CCDC90B: variants seen among roughly 807,000 people sequenced by gnomAD.
CCDC90B encodes the protein coiled-coil domain containing 90B, also known as coiled-coil domain-containing protein 90B, mitochondrial.
Under a neutral mutation model 37.0 loss-of-function variants are expected in CCDC90B, and 24 were observed. The ratio of observed to expected loss-of-function variants is 0.65; its 90% CI spans 0.47 to 0.91. CCDC90B has a LOEUF of 0.91. Among genes scored for constraint, CCDC90B ranks in the 40% least tolerant of loss-of-function variants. The pLI is 0.00. For synonymous variants in CCDC90B, 113 were observed against 101.1 expected, an observed-to-expected ratio of 1.12 and a Z score of -0.71; for missense variants, 319 against 299.0, an observed-to-expected ratio of 1.07 and a Z score of -0.49.
At chr11:83,279,987 A>G (rs1451804917) in intron 2 of CCDC90B, among the ~76,000 whole-genome samples, 154 bp downstream of exon 2, 3 of 152,216 alleles carry the variant, frequency 2.0e-5, no homozygotes, top group African/African-American at 2.4e-5. Context: ...ATATTTCTCA[A>G]ACAGTATCAT....
rs963704437 is a variant in CCDC90B at position 83,262,105 on chromosome 11, A to G, written c.710-139T>C. The stretch of plus-strand genomic sequence containing the variant: ...TTCTATCCTATGTTTTTTATTCCCT[A>G]GACAATTAAGTATGAAAGACATTCT... On this transcript the variant is annotated intron_variant, in intron 8 of 8. Coordinates refer to ENST00000529689, the MANE Select transcript of CCDC90B (RefSeq NM_021825.5). 7.4e-5 allele frequency: 42 copies of G among 565,904 alleles called. No homozygotes were observed. In the African/African-American group the frequency reaches 7.5e-4, roughly 10 times the overall value. 35.1% of individuals were successfully genotyped at this position (565,904 alleles called of 1,614,324 possible). A position where few individuals can be genotyped will look rare whatever the true frequency, so the allele number is the denominator to read the frequency against.
In CCDC90B at chr11:83,265,949, T is replaced by C; in HGVS notation, c.625A>G (p.Thr209Ala). The change falls in exon 8 of 9, where the codon ACC becomes GCC. Residue 209 changes from threonine (T) to alanine (A), a missense_variant. By Grantham distance (58) the Thr-to-Ala change is moderately conservative (BLOSUM62 0). Transcript: ENST00000529689. ...DTQTKSIISE[T>A]SNKIDAEIAS... ...ATTTCAGCGTCAATTTTATTACTGGTCTCTGAAATAATACTTTTGGTTTGA... is the reference window on the plus strand; with the variant it reads ...ATTTCAGCGTCAATTTTATTACTGGCCTCTGAAATAATACTTTTGGTTTGA... 6.2e-7 allele frequency: 1 copy of C among 1,608,720 alleles called. No individual in the cohort carries two copies. The highest frequency in any genetic ancestry group is 8.5e-7 in the Non-Finnish European group (1 of 1,175,434).
chr11:83,275,435 C>CTTA (rs777722060), intron 3 of CCDC90B, among the ~76,000 whole-genome samples: 4 of 149,910 alleles, frequency 2.7e-5, no homozygotes, highest in Admixed American at 6.7e-5. Context: ...TGAGTGCTGA[C>CTTA]ATAACACTCA....
chr11:83,270,652 C>A (rs533887104), intron 7 of CCDC90B, among the ~76,000 whole-genome samples: 7 of 152,100 alleles, frequency 4.6e-5, no homozygotes, highest in Non-Finnish European at 8.8e-5. Context: ...TAAAAGAGGA[C>A]ACAAACAAAT....
chr11:83,274,641 C>T lies in CCDC90B; in HGVS notation c.424G>A (p.Glu142Lys). The stretch of plus-strand genomic sequence containing the variant: ...TAATAAATTAAAATTTGTATCACCT[C>T]ATTCTCTGCTCTCAGATTTGCAAAT... ...SEFANLRAENEKMKIELDQVK... is the reference protein window; with the variant it reads ...SEFANLRAENKKMKIELDQVK... Residue 142 changes from glutamate to lysine, a missense_variant and splice_region_variant, in exon 4 of 9, where the codon GAG (glutamate) becomes AAG (lysine). Physicochemically the swap from Glu to Lys is moderately conservative, Grantham distance 56. Transcript: ENST00000529689. 4 of 1,586,468 alleles carry T rather than the reference C, an allele frequency of 2.5e-6. No individual in the cohort carries two copies. The highest frequency in any genetic ancestry group is 3.4e-6 in the Non-Finnish European group (4 of 1,160,566).
chr11:83,263,639 G>T (rs866379911), intron 8 of CCDC90B, among the ~76,000 whole-genome samples: 3 of 152,208 alleles, frequency 2.0e-5, no homozygotes, highest in Admixed American at 2.0e-4. Context: ...GGTGGCGTCT[G>T]ACCCACGATG....
At chr11:83,272,163 T>C (rs1289368054) in intron 7 of CCDC90B, among the ~76,000 whole-genome samples, 1 of 152,192 alleles carries the variant, frequency 6.6e-6, no homozygotes, top group Non-Finnish European at 1.5e-5. Context: ...GATGAGTTGA[T>C]GGGTGCAGCA....
Position 83,274,603 on chromosome 11 carries a change from GTTATT to G in CCDC90B, c.426+31_426+35del, listed in dbSNP as rs1186495857. The G allele has an allele frequency of 3.2e-6, 4 of 1,263,856 alleles. No individual in the cohort carries two copies. In the African/African-American group the frequency reaches 6.0e-5, roughly 19 times the overall value. 78.3% of individuals were successfully genotyped at this position (1,263,856 alleles called of 1,614,324 possible). On this transcript the variant is annotated intron_variant, in intron 4 of 8. Coordinates refer to ENST00000529689, the MANE Select transcript of CCDC90B (RefSeq NM_021825.5). The stretch of plus-strand genomic sequence containing the variant: ...AAGTAGGATGCTTATTATGAGATCA[GTTATT>G]TTATAAGTAATAAATTAAAATTTGT...
At chr11:83,268,113 A>G (rs1394515877) in intron 7 of CCDC90B, among the ~76,000 whole-genome samples, 1 of 152,208 alleles carries the variant, frequency 6.6e-6, no homozygotes, top group African/African-American at 2.4e-5. Context: ...AGCACTAAAC[A>G]TGGAAAGGAA....
intron 1 of CCDC90B, among the ~76,000 whole-genome samples, chr11:83,284,480 T>C (rs1865566727): frequency 6.6e-6 from 1 of 152,246 alleles, no homozygotes; most frequent in Non-Finnish European, 1.5e-5. Context: ...GCATATATTC[T>C]TACATGCTGG....
At chr11:83,270,422 C>T (rs1179786388) in intron 7 of CCDC90B, among the ~76,000 whole-genome samples, 1 of 152,188 alleles carries the variant, frequency 6.6e-6, no homozygotes, top group Non-Finnish European at 1.5e-5. Context: ...AGCCCAAAAT[C>T]TCCTTAAACT....
chr11:83,285,026 G>A (rs1284486872), intron 1 of CCDC90B: 14 of 715,510 alleles, frequency 2.0e-5, no homozygotes, highest in Non-Finnish European at 2.6e-5. Context: ...AGCTGTTACT[G>A]GTGTGGATTA....
At chr11:83,264,592 G>C (rs1211178396) in intron 8 of CCDC90B, among the ~76,000 whole-genome samples, 2 of 152,114 alleles carry the variant, frequency 1.3e-5, no homozygotes, top group Non-Finnish European at 2.9e-5. Context: ...TCCCTTTGAG[G>C]GTAACCCGAC....
chr11:83,261,032 C>A lies in CCDC90B; in HGVS notation c.*879G>T, dbSNP rs1863903937. 1 of 152,098 alleles carries A rather than the reference C, an allele frequency of 6.6e-6. No individual in the cohort carries two copies. The highest frequency in any genetic ancestry group is 1.5e-5 in the Non-Finnish European group (1 of 68,024). The allele number at this position is 152,098 out of a possible 1,614,324, so 9.4% of individuals were successfully genotyped here. A position where few individuals can be genotyped will look rare whatever the true frequency, so the allele number is the denominator to read the frequency against. On this transcript the variant is annotated 3_prime_UTR_variant, in exon 9 of 9. Coordinates refer to ENST00000529689, the MANE Select transcript of CCDC90B (RefSeq NM_021825.5). ...TAAAAAATACATGTAATAATCAGAG[C>A]TCAATATTTAGCAACTCTACAGATT... is the stretch of plus-strand genomic sequence containing the variant.
At position 83,271,697 on chromosome 11, in the gene CCDC90B, G is replaced by C. The variant is rs376839048; in HGVS notation, c.594+1950C>G. Reference sequence around the variant, plus strand: ...GTAAATTCGTTCAACCATTGTGGAAGACAGTGTGGCAATTCCTCAAGGATC... The same window carrying C: ...GTAAATTCGTTCAACCATTGTGGAACACAGTGTGGCAATTCCTCAAGGATC... On this transcript the variant is annotated intron_variant, in intron 7 of 8. Transcript: ENST00000529689. Among the ~76,000 whole-genome samples the C allele has an allele frequency of 9.2e-5, 14 of 152,300 alleles. No homozygotes were observed. In the East Asian group the frequency reaches 2.5e-3, roughly 27 times the overall value.
At chr11:83,283,427 A>C (rs1865507098) in intron 1 of CCDC90B, among the ~76,000 whole-genome samples, 1 of 152,254 alleles carries the variant, frequency 6.6e-6, no homozygotes, top group African/African-American at 2.4e-5. Context: ...GAGAGCTGAG[A>C]ATACAGAAGG....
intron 1 of CCDC90B, chr11:83,285,208 A>T (rs905149052): frequency 1.6e-6 from 2 of 1,286,334 alleles, no homozygotes; most frequent in Admixed American, 4.7e-5. Flanking sequence ...AAACGGTTTA[A>T]AAACTGGGAG....
At chr11:83,271,730 A>G (rs1282187957) in intron 7 of CCDC90B, among the ~76,000 whole-genome samples, 2 of 152,232 alleles carry the variant, frequency 1.3e-5, no homozygotes, top group Non-Finnish European at 2.9e-5. Flanking sequence ...ATCTAGAACT[A>G]GAATTACTAT....
At chr11:83,264,706 C>T (rs1193635703) in intron 8 of CCDC90B, among the ~76,000 whole-genome samples, 1 of 151,876 alleles carries the variant, frequency 6.6e-6, no homozygotes, top group Non-Finnish European at 1.5e-5. Context: ...TTGGAACCAA[C>T]CCAAATGGCC....
Sources: allele counts gnomAD v4.1 joint callset (sites outside exome capture counted in the v4.1 genomes callset), GRCh38; gene constraint gnomAD v4.1.1; transcripts MANE v1.5; gene names NCBI Gene and HGNC (gene_info 2026-07-23, HGNC 2026-07-21).